EML4: variants seen among roughly 807,000 people sequenced by gnomAD.
EML4 encodes the protein EMAP like 4, also known as echinoderm microtubule-associated protein-like 4.
A neutral mutation model predicts 129.0 loss-of-function variants in EML4; 72 were observed. The ratio of observed to expected loss-of-function variants is 0.56; its 90% CI spans 0.46 to 0.68. The LOEUF (loss-of-function observed/expected upper bound fraction) is 0.68. EML4 is among the 30% of genes least tolerant of loss of function. The pLI, the probability that EML4 is intolerant of heterozygous loss-of-function variation, is 0.00. For synonymous variants in EML4, 532 were observed against 405.0 expected (o/e 1.31, Z -3.77); for missense variants, 1,363 against 1,190.6 (o/e 1.14, Z -2.13).
At chr2:42,296,326 T>A (rs945867881) in intron 13 of EML4, among the ~76,000 whole-genome samples, 1 of 152,124 alleles carries the variant, frequency 6.6e-6, no homozygotes, top group South Asian at 2.1e-4. Context: ...CAGCCAGTCC[T>A]CAATAATTCA....
chr2:42,178,736 T>A (rs775742646), intron 1 of EML4, among the ~76,000 whole-genome samples: 4 of 152,204 alleles, frequency 2.6e-5, no homozygotes, highest in Non-Finnish European at 5.9e-5. Flanking sequence ...CCCACTTATT[T>A]GCTGAAATAC....
At position 42,288,248 on chromosome 2, in the gene EML4, A is replaced by T; in HGVS notation, c.1144A>T (p.Ile382Phe). The change falls in exon 11 of 23, where the codon ATT becomes TTT. Residue 382 changes from isoleucine (I) to phenylalanine (F), a missense_variant. By Grantham distance (21) the Ile-to-Phe change is conservative. Transcript: ENST00000318522. ...SKADSGVHLCIIDDSNEHMLT... is the reference protein window; with the variant it reads ...SKADSGVHLCFIDDSNEHMLT... ...TTAGGATTCAGGTGTTCATTTATGT[A>T]TTATTGATGACTCCAATGAGCATAT... 6.6e-7 allele frequency: 1 copy of T among 1,519,494 alleles called. No homozygotes were observed. The highest frequency in any genetic ancestry group is 9.0e-7 in the Non-Finnish European group (1 of 1,108,030). 94.1% of individuals were successfully genotyped at this position (1,519,494 alleles called of 1,614,324 possible). A position where few individuals can be genotyped will look rare whatever the true frequency, so the allele number is the denominator to read the frequency against.
intron 6 of EML4, among the ~76,000 whole-genome samples, chr2:42,278,615 A>G (rs1294170137): frequency 7.1e-6 from 1 of 141,536 alleles, no homozygotes; most frequent in African/African-American, 2.6e-5. Context: ...CCATCAGTTG[A>G]GTGAAGTATT....
Position 42,329,852 on chromosome 2 carries a change from T to G in EML4, c.2591T>G (p.Leu864Arg). 1 of 1,614,150 alleles carries G rather than the reference T, an allele frequency of 6.2e-7. No individual in the cohort carries two copies. Among genetic ancestry groups the G allele is most frequent in the Non-Finnish European group, 8.5e-7 (1 of 1,180,028 alleles). The stretch of plus-strand genomic sequence containing the variant: ...GACATGAGCATCATTCAGTGGAAAC[T>G]TGTGGAAAAGTTATCTTTGCCTCAG... ...GKDMSIIQWKLVEKLSLPQNE... is the reference protein window; with the variant it reads ...GKDMSIIQWKRVEKLSLPQNE... The change falls in exon 23 of 23, where the codon CTT (leucine) becomes CGT (arginine). Residue 864 changes from leucine to arginine, a missense_variant. Coordinates refer to ENST00000318522, the MANE Select transcript of EML4 (RefSeq NM_019063.5).
chr2:42,325,741 A>G (rs1164820147), intron 20 of EML4, among the ~76,000 whole-genome samples, 187 bp downstream of exon 20: 1 of 150,730 alleles, frequency 6.6e-6, no homozygotes, highest in Non-Finnish European at 1.5e-5. Context: ...AGCATATGTT[A>G]TGCTGAGCTA....
chr2:42,250,617 T>C (rs1675706451), intron 2 of EML4, among the ~76,000 whole-genome samples: 1 of 152,076 alleles, frequency 6.6e-6, no homozygotes, highest in African/African-American at 2.4e-5. Flanking sequence ...AGGGTGTACT[T>C]GCACAAACCT....
rs147316701 is a variant in EML4 at position 42,259,259 on chromosome 2, G to C, written c.339-1862G>C. Among the ~76,000 whole-genome samples, 30 of 151,470 alleles carry C rather than the reference G, an allele frequency of 2.0e-4. No individual in the cohort carries two copies. In the East Asian group the frequency reaches 5.6e-3, roughly 28 times the overall value. ...AAGACTTCATCTGAAAAAAAAAACA[G>C]GGGGAGGGGGGCGGCAGAGAAAAGA... On this transcript the variant is annotated intron_variant, in intron 3 of 22. Coordinates refer to ENST00000318522, the MANE Select transcript of EML4 (RefSeq NM_019063.5).
At chr2:42,245,097 T>TTTTTTCC (rs71249741) in intron 1 of EML4, among the ~76,000 whole-genome samples, 1 of 111,964 alleles carries the variant, frequency 8.9e-6, no homozygotes, top group Non-Finnish European at 1.8e-5. Flanking sequence ...TTTCTTTCTT[T>TTTTTTCC]TTTTTTTTTT....
At chr2:42,200,374 T>C (rs532373962) in intron 1 of EML4, among the ~76,000 whole-genome samples, 17 of 151,946 alleles carry the variant, frequency 1.1e-4, no homozygotes, top group Admixed American at 2.6e-4. Context: ...AAAGAAAGAA[T>C]TTCAACAAAA....
At chr2:42,288,165 C>A in intron 10 of EML4, 62 bp from the exon 11 acceptor site, 2 of 687,762 alleles carry the variant, frequency 2.9e-6, no homozygotes, top group Non-Finnish European at 4.9e-6. Flanking sequence ...GATGGTATTT[C>A]TTTCTTAGAA....
intron 20 of EML4, 60 bp downstream of exon 20, chr2:42,325,614 A>T (rs1482524622): frequency 1.8e-5 from 1 of 55,968 alleles, no homozygotes; most frequent in Non-Finnish European, 2.8e-5. Flanking sequence ...ATATATATAT[A>T]TATATATATA....
At chr2:42,295,817 T>G (rs971905835) in intron 13 of EML4, among the ~76,000 whole-genome samples, 1 of 152,222 alleles carries the variant, frequency 6.6e-6, no homozygotes, top group African/African-American at 2.4e-5. Flanking sequence ...CACTTTCCCC[T>G]GAGCTGGTTC....
chr2:42,230,091 A>T (rs1312270241), intron 1 of EML4, among the ~76,000 whole-genome samples: 1 of 151,980 alleles, frequency 6.6e-6, no homozygotes, highest in Non-Finnish European at 1.5e-5. Context: ...TTCTAAAGCA[A>T]CCCCTAGTCC....
rs1667192785 is a variant in EML4, at chr2:42,284,720, T to A, written c.1011+17T>A. The stretch of plus-strand genomic sequence containing the variant: ...GATGGAAGGGTGAGTGGCATAGTGT[T>A]ATGCCTTCTGTACCTAGAGACATTG... On this transcript the variant is annotated intron_variant, in intron 9 of 22. Transcript: ENST00000318522. 1 of 1,594,770 alleles carries A rather than the reference T, an allele frequency of 6.3e-7. No homozygotes were observed. Among genetic ancestry groups the A allele is most frequent in the Non-Finnish European group, 8.6e-7 (1 of 1,165,580 alleles).
At chr2:42,260,780 A>G (rs917518760) in intron 3 of EML4, among the ~76,000 whole-genome samples, 8 of 152,342 alleles carry the variant, frequency 5.3e-5, no homozygotes, top group African/African-American at 1.9e-4. Context: ...TATGCTTTAC[A>G]CAGATAGTCC....
chr2:42,247,896 G>A (rs1281481490), intron 2 of EML4, among the ~76,000 whole-genome samples: 2 of 152,074 alleles, frequency 1.3e-5, no homozygotes, highest in East Asian at 1.9e-4. Context: ...CTCAGAACCC[G>A]AGGGTACATA....
rs778622617 is a variant in EML4 at position 42,264,731 on chromosome 2, G to A, written c.667G>A (p.Glu223Lys). The A allele has an allele frequency of 6.9e-7, 1 of 1,454,930 alleles. No homozygotes were observed. The highest frequency in any genetic ancestry group is 1.2e-5 in the South Asian group (1 of 83,406). 90.1% of individuals were successfully genotyped at this position (1,454,930 alleles called of 1,614,324 possible). ...DKHKDVIINQ[E>K]GEYIKMFMRG... ...GCATAAAGATGTCATCATCAACCAA[G>A]GTAAATTAAAAATCCTTTTAAAAAT... Residue 223 changes from glutamate (E) to lysine (K), a missense_variant and splice_region_variant, in exon 6 of 23, where the codon GAA becomes AAA. Coordinates refer to ENST00000318522, the MANE Select transcript of EML4 (RefSeq NM_019063.5).
chr2:42,274,235 T>G (rs574998147), intron 6 of EML4, among the ~76,000 whole-genome samples: 8 of 152,244 alleles, frequency 5.3e-5, no homozygotes, highest in African/African-American at 1.9e-4. Context: ...AATTCCAGTT[T>G]GGGGGAGGCT....
chr2:42,235,426 G>A (rs562137100), intron 1 of EML4, among the ~76,000 whole-genome samples: 6 of 152,118 alleles, frequency 3.9e-5, no homozygotes, highest in East Asian at 3.9e-4. Flanking sequence ...TCATGCCACC[G>A]TACTCCAGCC....
Sources: allele counts gnomAD v4.1 joint callset (sites outside exome capture counted in the v4.1 genomes callset), GRCh38; gene constraint gnomAD v4.1.1; transcripts MANE v1.5; gene names NCBI Gene and HGNC (gene_info 2026-07-23, HGNC 2026-07-21).